The following RPS29 variants were observed in gnomAD, a reference collection of about 807,000 sequenced individuals.
RPS29 encodes the protein small ribosomal subunit protein uS14.
For synonymous variants in RPS29, 37 were observed against 26.9 expected (o/e 1.37, Z -1.16); for missense variants, 60 against 75.7 (o/e 0.79, Z 0.77).
chr14:49,581,097 G>A (rs1881321416), downstream of RPS29, among the ~76,000 whole-genome samples: 2 of 151,862 alleles, frequency 1.3e-5, no homozygotes, highest in Admixed American at 6.6e-5. Context: ...TGAGGCAGGA[G>A]AATTGCTTGA....
At chr14:49,574,361 C>G (rs544588773) in exon 3 of RPS29, 2 of 152,272 alleles carry the variant, frequency 1.3e-5, no homozygotes, top group South Asian at 2.1e-4. Context: ...ATCGCTGTTA[C>G]AGTTAAGGTC....
chr14:49,582,818 C>T (rs776041344), downstream of RPS29, among the ~76,000 whole-genome samples: 1 of 152,164 alleles, frequency 6.6e-6, no homozygotes, highest in Non-Finnish European at 1.5e-5. Flanking sequence ...TCACGTCAGC[C>T]ACCTGCATTA....
chr14:49,590,010 A>G (rs1747158890), upstream of RPS29, among the ~76,000 whole-genome samples: 1 of 152,102 alleles, frequency 6.6e-6, no homozygotes, highest in African/African-American at 2.4e-5. Context: ...GACCCAAAGA[A>G]AGTAATAGAC....
downstream of RPS29, among the ~76,000 whole-genome samples, chr14:49,581,619 T>A (rs1284945732): frequency 6.6e-6 from 1 of 152,144 alleles, no homozygotes; most frequent in Non-Finnish European, 1.5e-5. Context: ...ATTTTTGCTA[T>A]TCTCCCGCCT....
rs3211474 is a variant in RPS29, at chr14:49,586,024, G to C, written c.88C>G (p.Leu30Val). The change falls in exon 2 of 3, where the codon CTG becomes GTG. Residue 30 changes from leucine to valine, a missense_variant. Transcript: ENST00000245458. ...SCRVCSNRHG[L>V]IRKYGLNMCR... ...ATATTGAGGCCATATTTCCGGATCA[G>C]ACCGTGCCGGTTTGAACAGACACGA... 1.9e-6 allele frequency: 3 copies of C among 1,613,960 alleles called. No homozygotes were observed. The highest frequency in any genetic ancestry group is 2.5e-6 in the Non-Finnish European group (3 of 1,179,850).
At chr14:49,593,672 G>A (rs944657044) in intron 1 of RPS29, among the ~76,000 whole-genome samples, 7 of 108,406 alleles carry the variant, frequency 6.5e-5, no homozygotes, top group African/African-American at 1.8e-4. Flanking sequence ...CAGCCTGGGC[G>A]ACAGAGCAAG....
intron 2 of RPS29, chr14:49,585,526 T>G: frequency 4.1e-6 from 1 of 243,954 alleles, no homozygotes; most frequent in Non-Finnish European, 7.7e-6. Context: ...GAGGCTGCAG[T>G]GAGCCGTAAC....
chr14:49,594,085 C>T (rs1881771247), intron 1 of RPS29, among the ~76,000 whole-genome samples: 1 of 152,156 alleles, frequency 6.6e-6, no homozygotes, highest in Non-Finnish European at 1.5e-5. Flanking sequence ...CTATAAACGA[C>T]ATTTCAGCTC....
exon 3 of RPS29, chr14:49,576,706 C>G (rs936892347): frequency 5.9e-5 from 9 of 151,510 alleles, no homozygotes; most frequent in African/African-American, 2.0e-4. Flanking sequence ...GTGAGAGGGA[C>G]CCGGTGGGAG....
chr14:49,596,978 T>G (rs1035565440), intron 1 of RPS29, among the ~76,000 whole-genome samples: 29 of 149,446 alleles, frequency 1.9e-4, no homozygotes, highest in African/African-American at 7.2e-4. Flanking sequence ...GCAGTGGCAC[T>G]ATCTCGGCTC....
exon 3 of RPS29, chr14:49,574,629 CAT>C (rs1317896794): frequency 6.6e-6 from 1 of 152,238 alleles, no homozygotes; most frequent in African/African-American, 2.4e-5. Context: ...TAACTCTAGC[CAT>C]AGTCTCTATC....
downstream of RPS29, among the ~76,000 whole-genome samples, chr14:49,582,851 C>CTA (rs1881381387): frequency 6.6e-6 from 1 of 152,238 alleles, no homozygotes; most frequent in East Asian, 1.9e-4. Context: ...CAACCACACA[C>CTA]TATACCTACA....
chr14:49,572,772 T>C (rs1176182066), exon 3 of RPS29: 1 of 152,154 alleles, frequency 6.6e-6, no homozygotes, highest in Non-Finnish European at 1.5e-5. Context: ...AAATTGTGTT[T>C]AAAGAGATTT....
intron 2 of RPS29, among the ~76,000 whole-genome samples, chr14:49,584,297 G>A (rs1314217165): frequency 2.0e-5 from 3 of 152,224 alleles, no homozygotes; most frequent in Non-Finnish European, 2.9e-5. Flanking sequence ...AGGACACAGA[G>A]CTAGGGCGTG....
chr14:49,590,971 T>C (rs950197816), upstream of RPS29, among the ~76,000 whole-genome samples: 1 of 151,992 alleles, frequency 6.6e-6, no homozygotes, highest in African/African-American at 2.4e-5. Context: ...ATTACAGGCA[T>C]CAGCCACCAC....
At chr14:49,592,681 C>T (rs943669096) in intron 1 of RPS29, among the ~76,000 whole-genome samples, 2 of 150,170 alleles carry the variant, frequency 1.3e-5, no homozygotes, top group Non-Finnish European at 3.0e-5. Context: ...GGCCGAGACG[C>T]GTGGGTCACC....
At chr14:49,585,275 G>A (rs921152726) in intron 2 of RPS29, 5 of 152,190 alleles carry the variant, frequency 3.3e-5, no homozygotes, top group Middle Eastern at 6.8e-3. Flanking sequence ...GGCTGAGGCA[G>A]GAGAATCGCT....
exon 3 of RPS29, chr14:49,571,934 C>A (rs879710644): frequency 1.3e-5 from 2 of 152,074 alleles, no homozygotes; most frequent in Non-Finnish European, 2.9e-5. Flanking sequence ...GAAACCCCTA[C>A]GTTTTATTGT....
chr14:49,572,987 G>A (rs1488779472), exon 3 of RPS29: 1 of 151,930 alleles, frequency 6.6e-6, no homozygotes, highest in Non-Finnish European at 1.5e-5. Context: ...AGATTGCATT[G>A]AGCCCAGCAG....
Sources: allele counts gnomAD v4.1 joint callset (sites outside exome capture counted in the v4.1 genomes callset), GRCh38; gene constraint gnomAD v4.1.1; transcripts MANE v1.5; gene names NCBI Gene and HGNC (gene_info 2026-07-23, HGNC 2026-07-21).